Variants in AFAP1 observed in about 807,000 individuals in gnomAD.
AFAP1 encodes the protein actin filament-associated protein 1.
AFAP1 carries 75 observed loss-of-function variants against 93.9 expected under a neutral mutation model. The ratio of observed to expected loss-of-function variants is 0.80; its 90% CI spans 0.66 to 0.97. The LOEUF is 0.97. AFAP1 is among the 50% of genes least tolerant of loss of function. The probability of loss-of-function intolerance (pLI) is 0.00; values close to 1 mark genes in which losing one functional copy is unlikely to be tolerated. For synonymous variants in AFAP1, 517 were observed against 430.7 expected (o/e 1.20, Z -2.48); for missense variants, 1,201 against 1,050.8 (o/e 1.14, Z -1.98).
intron 3 of AFAP1, among the ~76,000 whole-genome samples, chr4:7,867,595 G>T (rs945830218): frequency 6.6e-6 from 1 of 152,158 alleles, no homozygotes; most frequent in African/African-American, 2.4e-5. Context: ...TGCAATCTCT[G>T]CCCCCTCTAC....
At chr4:7,838,336 G>A (rs2149105735) in intron 6 of AFAP1, among the ~76,000 whole-genome samples, 188 bp downstream of exon 6, 1 of 152,324 alleles carries the variant, frequency 6.6e-6, no homozygotes, top group Middle Eastern at 3.4e-3. Flanking sequence ...AAAGATAAGA[G>A]TGAAAGTGAC....
chr4:7,815,232 G>A lies in AFAP1; in HGVS notation c.904+786C>T, dbSNP rs147255313. 4.6e-3 allele frequency among the ~76,000 whole-genome samples: 697 copies of A among 151,548 alleles called. 1 individual carries two copies. Among genetic ancestry groups the A allele is most frequent in the Non-Finnish European group, 7.4e-3 (505 of 67,848 alleles). On this transcript the variant is annotated intron_variant, in intron 8 of 17. Coordinates refer to ENST00000420658, the MANE Select transcript of AFAP1 (RefSeq NM_001134647.2). ...GATTCATGAGACAGGAAGCAAAATC[G>A]GGTGCCAGGGGCTGGGGGAGGAGGG...
intron 1 of AFAP1, among the ~76,000 whole-genome samples, chr4:7,936,404 C>A (rs928925032): frequency 6.6e-6 from 1 of 150,958 alleles, no homozygotes; most frequent in African/African-American, 2.5e-5. Flanking sequence ...TAGCTCACTG[C>A]AGTCTCTAAT....
intron 1 of AFAP1, among the ~76,000 whole-genome samples, chr4:7,900,454 G>A (rs1719054003): frequency 1.3e-5 from 2 of 152,200 alleles, no homozygotes; most frequent in African/African-American, 4.8e-5. Flanking sequence ...AGCCAGAAAC[G>A]TGCAGATGTG....
chr4:7,927,179 G>A (rs1243315983), intron 1 of AFAP1, among the ~76,000 whole-genome samples: 1 of 152,210 alleles, frequency 6.6e-6, no homozygotes, highest in Non-Finnish European at 1.5e-5. Context: ...TGTTCTTAAA[G>A]GGGAAAGAAA....
chr4:7,844,931 A>C (rs1478718433), intron 4 of AFAP1, among the ~76,000 whole-genome samples: 1 of 152,236 alleles, frequency 6.6e-6, no homozygotes, highest in African/African-American at 2.4e-5. Flanking sequence ...TAAGGAGAAC[A>C]ATGGCCAATG....
At chr4:7,764,664 T>TCCAC (rs1714299913) in intron 17 of AFAP1, among the ~76,000 whole-genome samples, 2 of 152,248 alleles carry the variant, frequency 1.3e-5, no homozygotes, top group Admixed American at 1.3e-4. Flanking sequence ...CCCTGAGTGC[T>TCCAC]GGCTGCAGAT....
intron 4 of AFAP1, among the ~76,000 whole-genome samples, chr4:7,851,412 T>C (rs1449748716): frequency 3.3e-5 from 5 of 152,144 alleles, no homozygotes; most frequent in African/African-American, 1.2e-4. Context: ...GAACACTGCC[T>C]AATGGTTTGG....
At chr4:7,862,788 G>C (rs555742352) in intron 3 of AFAP1, among the ~76,000 whole-genome samples, 5 of 152,226 alleles carry the variant, frequency 3.3e-5, no homozygotes, top group Admixed American at 3.3e-4. Context: ...CCTTGATCTA[G>C]AGTTGTATGT....
intron 5 of AFAP1, among the ~76,000 whole-genome samples, chr4:7,839,507 T>A (rs540362246): frequency 6.6e-6 from 1 of 152,216 alleles, no homozygotes; most frequent in African/African-American, 2.4e-5. Context: ...GAAAATGGAA[T>A]AATTTGGATA....
intron 3 of AFAP1, among the ~76,000 whole-genome samples, chr4:7,861,483 A>G (rs1715674465): frequency 6.6e-6 from 1 of 152,220 alleles, no homozygotes; most frequent in South Asian, 2.1e-4. Context: ...ACCCCATTCC[A>G]TTGTGATCAC....
intron 6 of AFAP1, among the ~76,000 whole-genome samples, chr4:7,825,659 A>C (rs1245632649): frequency 6.6e-6 from 1 of 152,210 alleles, no homozygotes; most frequent in Non-Finnish European, 1.5e-5. Context: ...TCAATTATCT[A>C]AGTGTACGCT....
intron 16 of AFAP1, 80 bp from the exon 17 acceptor site, chr4:7,769,088 AAGG>A: frequency 2.0e-6 from 3 of 1,476,698 alleles, no homozygotes; most frequent in Non-Finnish European, 2.7e-6. Context: ...GATTTATTTC[AAGG>A]AAGAAATAAG....
intron 3 of AFAP1, among the ~76,000 whole-genome samples, chr4:7,865,181 G>C (rs1560208396): frequency 6.6e-6 from 1 of 152,180 alleles, no homozygotes; most frequent in Non-Finnish European, 1.5e-5. Flanking sequence ...ACACACCAAA[G>C]AATGTGGCCC....
At chr4:7,827,496 G>A (rs1346371496) in intron 6 of AFAP1, among the ~76,000 whole-genome samples, 1 of 149,484 alleles carries the variant, frequency 6.7e-6, no homozygotes, top group African/African-American at 2.5e-5. Context: ...GCTTGAACCC[G>A]GGAGGTGGAG....
At chr4:7,788,826 G>C (rs2148999911) in intron 11 of AFAP1, 1 of 152,318 alleles carries the variant, frequency 6.6e-6, no homozygotes, top group South Asian at 2.1e-4. Flanking sequence ...TACTGCCTTG[G>C]GTCTTTCTCC....
chr4:7,765,996 A>G (rs930607550), intron 17 of AFAP1, among the ~76,000 whole-genome samples: 4 of 152,208 alleles, frequency 2.6e-5, no homozygotes, highest in Admixed American at 1.3e-4. Flanking sequence ...CCAGGGGCTC[A>G]TTAACTGGGT....
Position 7,800,586 on chromosome 4 carries a change from G to A in AFAP1, c.1122C>T (p.Leu374=), listed in dbSNP as rs1223808824. The A allele has an allele frequency of 2.5e-6, 4 of 1,614,172 alleles. No homozygotes were observed. Among genetic ancestry groups the A allele is most frequent in the South Asian group, 1.1e-5 (1 of 91,076 alleles). ...ERWCRVKDNK[L]IFHKDRTDLK... The stretch of plus-strand genomic sequence containing the variant: ...GGTCGGTCCTGTCCTTGTGGAAAAT[G>A]AGCTTGTTATCTTTCACTCGGCACC... The change falls in exon 10 of 18, where the codon CTC becomes CTT. Residue 374 remains leucine (L), a synonymous_variant. Coordinates refer to ENST00000420658, the MANE Select transcript of AFAP1 (RefSeq NM_001134647.2).
At chr4:7,919,415 T>A (rs2149235189) in intron 1 of AFAP1, among the ~76,000 whole-genome samples, 2 of 152,302 alleles carry the variant, frequency 1.3e-5, no homozygotes, top group East Asian at 3.9e-4. Context: ...GTGTGTGATG[T>A]GTCATTTTAT....
Sources: allele counts gnomAD v4.1 joint callset (sites outside exome capture counted in the v4.1 genomes callset), GRCh38; gene constraint gnomAD v4.1.1; transcripts MANE v1.5; gene names NCBI Gene and HGNC (gene_info 2026-07-23, HGNC 2026-07-21).